The following AGBL1 variants were observed in gnomAD, a reference collection of about 807,000 sequenced individuals.
AGBL1 encodes AGBL carboxypeptidase 1, also known as cytosolic carboxypeptidase 4.
AGBL1 carries 130 observed loss-of-function variants against 118.9 expected under a neutral mutation model. The ratio of observed to expected loss-of-function variants is 1.09; its 90% confidence interval spans 0.95 to 1.26. AGBL1 has a LOEUF of 1.26. Among genes scored for constraint, AGBL1 ranks in the 50% most tolerant of loss-of-function variants. The pLI, the probability that AGBL1 is intolerant of heterozygous loss-of-function variation, is 0.00. For synonymous variants in AGBL1, 555 were observed against 478.9 expected, an observed-to-expected ratio of 1.16 and a Z score of -2.08; for missense variants, 1,584 against 1,298.1, an observed-to-expected ratio of 1.22 and a Z score of -3.38.
chr15:86,767,418 G>C lies in AGBL1; in HGVS notation c.3158+92982G>C, dbSNP rs1839987. Among the ~76,000 whole-genome samples, 195 of 151,866 alleles carry C rather than the reference G, an allele frequency of 1.3e-3. 6 individuals are homozygous for C. In the South Asian group the frequency reaches 0.038, roughly 30 times the overall value. ...CTTGTTTGAATTTCACTTTCTCTAA[G>C]AACTTCAACATTAAGAAGAACTTTA... On this transcript the variant is annotated intron_variant, in intron 22 of 22. Coordinates refer to ENST00000614907, the MANE Select transcript of AGBL1 (RefSeq NM_001386094.1).
In AGBL1 at chr15:86,247,729, C is replaced by T. The variant is rs780438109; in HGVS notation, c.585C>T (p.His195=). The T allele has an allele frequency of 1.2e-6, 2 of 1,613,722 alleles. No individual in the cohort carries two copies. Among genetic ancestry groups the T allele is most frequent in the South Asian group, 2.2e-5 (2 of 91,004 alleles). The change falls in exon 7 of 23, where the codon CAC becomes CAT. Residue 195 remains histidine (H), a synonymous_variant. Transcript: ENST00000614907. ...ACGTCACCAGCCTGCTCGGGCTGCA[C>T]CAGGACTGGCACAGCCATGACACAG... is the stretch of plus-strand genomic sequence containing the variant. ...RGYVTSLLGL[H]QDWHSHDTAN... is the part of the protein sequence containing the mutation.
chr15:86,382,697 T>C (rs1348931550), intron 17 of AGBL1, among the ~76,000 whole-genome samples: 2 of 151,982 alleles, frequency 1.3e-5, no homozygotes, highest in Non-Finnish European at 1.5e-5. Context: ...TTTCTTTTTA[T>C]TTTTCTCTGA....
intron 17 of AGBL1, among the ~76,000 whole-genome samples, chr15:86,298,380 T>TTATATATATATGAATATATTCTTA (rs2079692210): frequency 1.5e-5 from 2 of 134,542 alleles, no homozygotes; most frequent in African/African-American, 5.8e-5. Flanking sequence ...GAATATATTC[T>TTATATATATATGAATATATTCTTA]TATATATATA....
At chr15:86,827,844 C>T (rs1453835859) in intron 22 of AGBL1, among the ~76,000 whole-genome samples, 1 of 148,034 alleles carries the variant, frequency 6.8e-6, no homozygotes, top group Non-Finnish European at 1.5e-5. Flanking sequence ...TGGTGGCTAC[C>T]ATAAGATAAA....
At chr15:86,603,595 A>G (rs1353572434) in intron 21 of AGBL1, among the ~76,000 whole-genome samples, 1 of 152,154 alleles carries the variant, frequency 6.6e-6, no homozygotes, top group East Asian at 1.9e-4. Flanking sequence ...ACCTACCAGA[A>G]AAGAAATCTT....
At chr15:86,617,306 C>T (rs957061570) in intron 21 of AGBL1, among the ~76,000 whole-genome samples, 1 of 152,198 alleles carries the variant, frequency 6.6e-6, no homozygotes, top group Non-Finnish European at 1.5e-5. Context: ...TGTGACCTTT[C>T]AGAGTCACTG....
chr15:86,624,397 G>A (rs76509587), intron 21 of AGBL1, among the ~76,000 whole-genome samples: 1,811 of 152,302 alleles, frequency 0.012, 19 homozygotes, highest in Non-Finnish European at 0.019. Context: ...CATTTATTGA[G>A]CACCTACAGT....
At chr15:86,473,028 T>A (rs1596158436) in intron 18 of AGBL1, among the ~76,000 whole-genome samples, 1 of 152,232 alleles carries the variant, frequency 6.6e-6, no homozygotes. Flanking sequence ...AATATTCTTA[T>A]AACTACAATA....
chr15:86,696,388 T>C (rs2086260332), intron 22 of AGBL1, among the ~76,000 whole-genome samples: 1 of 151,976 alleles, frequency 6.6e-6, no homozygotes, highest in Non-Finnish European at 1.5e-5. Context: ...TCATCTGATA[T>C]AAGAATAGCT....
intron 22 of AGBL1, among the ~76,000 whole-genome samples, chr15:86,897,294 A>C (rs1379941396): frequency 1.3e-5 from 2 of 152,208 alleles, no homozygotes; most frequent in Non-Finnish European, 2.9e-5. Context: ...GATTGAATGG[A>C]TGATTGAATA....
intron 23 of AGBL1, among the ~76,000 whole-genome samples, chr15:86,968,854 AC>A (rs1466812769): frequency 6.6e-6 from 1 of 151,726 alleles, no homozygotes; most frequent in Non-Finnish European, 1.5e-5. Context: ...ACAGATGGAG[AC>A]CCCTTGTAGC....
intron 22 of AGBL1, among the ~76,000 whole-genome samples, chr15:86,887,566 G>A (rs995092593): frequency 2.6e-5 from 4 of 152,194 alleles, no homozygotes; most frequent in Admixed American, 6.5e-5. Flanking sequence ...TGAGGAGGAA[G>A]TGTTTGTGAA....
At chr15:86,961,821 A>G (rs561482898) in intron 23 of AGBL1, among the ~76,000 whole-genome samples, 1 of 152,200 alleles carries the variant, frequency 6.6e-6, no homozygotes, top group East Asian at 1.9e-4. Context: ...TTCTTAGGGT[A>G]TGCCTAAGAT....
intron 17 of AGBL1, chr15:86,296,314 GC>G (rs1166917283): frequency 6.6e-6 from 1 of 152,174 alleles, no homozygotes; most frequent in African/African-American, 2.4e-5. Context: ...GAAGCTGGAT[GC>G]CCAGCTTAAT....
intron 23 of AGBL1, among the ~76,000 whole-genome samples, chr15:86,950,506 C>T (rs1393376342): frequency 2.7e-5 from 4 of 146,204 alleles, no homozygotes; most frequent in Admixed American, 6.8e-5. Flanking sequence ...AAGCAGTAAC[C>T]AAAAAGAAAA....
chr15:86,714,060 C>A (rs2086601523), intron 22 of AGBL1, among the ~76,000 whole-genome samples: 1 of 152,126 alleles, frequency 6.6e-6, no homozygotes, highest in Admixed American at 6.6e-5. Context: ...CTAGGCAACA[C>A]ATGTGGACAC....
intron 18 of AGBL1, among the ~76,000 whole-genome samples, chr15:86,447,123 T>A (rs2082130270): frequency 6.6e-6 from 1 of 152,234 alleles, no homozygotes; most frequent in Admixed American, 6.5e-5. Context: ...GGTTTCAGCC[T>A]AAAAATTAAT....
chr15:86,483,899 G>C (rs1338742958), intron 18 of AGBL1, among the ~76,000 whole-genome samples: 1 of 152,096 alleles, frequency 6.6e-6, no homozygotes, highest in African/African-American at 2.4e-5. Flanking sequence ...CTCAAATGAA[G>C]CTTCTTGCTA....
At chr15:86,117,271 C>T (rs1311005300) in intron 1 of AGBL1, among the ~76,000 whole-genome samples, 1 of 152,082 alleles carries the variant, frequency 6.6e-6, no homozygotes. Context: ...TGGTCTGTTA[C>T]TAAGGAAAAT....
Sources: allele counts gnomAD v4.1 joint callset (sites outside exome capture counted in the v4.1 genomes callset), GRCh38; gene constraint gnomAD v4.1.1; transcripts MANE v1.5; gene names NCBI Gene and HGNC (gene_info 2026-07-23, HGNC 2026-07-21).